Variants in UBOX5 observed in about 807,000 individuals in gnomAD.
UBOX5 encodes RING finger protein 37.
In UBOX5, 28 loss-of-function variants were observed where a neutral mutation model predicts 39.0. That is an observed-to-expected ratio of 0.72 (90% CI 0.53 to 0.98). The LOEUF (loss-of-function observed/expected upper bound fraction) is 0.98, where lower values mean the gene tolerates loss of function less well. UBOX5 is among the 50% of genes least tolerant of loss of function. UBOX5 has a pLI of 0.00. For missense variants in UBOX5, 585 were observed against 674.4 expected (o/e 0.87, Z 1.47); for synonymous variants, 283 against 275.5 (o/e 1.03, Z -0.27).
chr20:3,110,008 G>C lies in UBOX5; in HGVS notation c.*98C>G, dbSNP rs1056384407. ...CCCGGGAGGGAGCAGGCAGCTCTGT[G>C]CCTGGGGCCTGGCCAGACCTCAGGG... On this transcript the variant is annotated 3_prime_UTR_variant, in exon 5 of 5. Transcript: ENST00000217173. 1.9e-5 allele frequency: 27 copies of C among 1,430,358 alleles called. No homozygotes were observed. The highest frequency in any genetic ancestry group is 2.5e-5 in the Non-Finnish European group (26 of 1,036,352). 88.6% of individuals were successfully genotyped at this position (1,430,358 alleles called of 1,614,324 possible).
intron 4 of UBOX5, among the ~76,000 whole-genome samples, chr20:3,113,073 A>G (rs1473761363): frequency 1.3e-5 from 2 of 150,686 alleles, no homozygotes; most frequent in Non-Finnish European, 2.9e-5. Context: ...CAGGAGTTCG[A>G]GACCAGCCTG....
chr20:3,135,721 C>T (rs1374150132), intron 1 of UBOX5, among the ~76,000 whole-genome samples: 2 of 151,632 alleles, frequency 1.3e-5, no homozygotes, highest in Non-Finnish European at 2.9e-5. Flanking sequence ...TGTGAACACA[C>T]AAACACACGC....
chr20:3,116,555 G>A (rs1600363628), intron 3 of UBOX5: 1 of 152,204 alleles, frequency 6.6e-6, no homozygotes, highest in East Asian at 1.9e-4. Flanking sequence ...CACCAAGTCT[G>A]TCAAGGCCAA....
intron 1 of UBOX5, chr20:3,146,425 T>A (rs1434244451): frequency 6.0e-6 from 1 of 167,668 alleles, no homozygotes; most frequent in East Asian, 1.7e-4. Flanking sequence ...ATAAAATTTT[T>A]AAAAATTGGC....
intron 1 of UBOX5, among the ~76,000 whole-genome samples, chr20:3,155,675 T>C (rs1036305458): frequency 6.6e-6 from 1 of 152,260 alleles, no homozygotes; most frequent in African/African-American, 2.4e-5. Flanking sequence ...TATTATGGTA[T>C]TGTTCAAGAT....
chr20:3,121,748 G>A lies in UBOX5; in HGVS notation c.891C>T (p.Ala297=), dbSNP rs2066338451. The A allele has an allele frequency of 1.2e-6, 2 of 1,614,000 alleles. No individual in the cohort carries two copies. The highest frequency in any genetic ancestry group is 1.7e-5 in the Admixed American group (1 of 60,008). The change falls in exon 3 of 5, where the codon GCC becomes GCT. Residue 297 remains alanine (A), a synonymous_variant. Coordinates refer to ENST00000217173, the MANE Select transcript of UBOX5 (RefSeq NM_014948.4). The stretch of plus-strand genomic sequence containing the variant: ...GGTCACTGGGCACTCGGCCCCATGT[G>A]GCTTCACTGCGGTTACACTTCTCCA... ...STLEKCNRSE[A]TWGRVPSDPF... is the part of the protein sequence containing the mutation.
At chr20:3,157,921 G>C (rs1490549267) in intron 1 of UBOX5, among the ~76,000 whole-genome samples, 1 of 151,804 alleles carries the variant, frequency 6.6e-6, no homozygotes, top group African/African-American at 2.4e-5. Context: ...TTTCAGACAG[G>C]GTCTCGCTCT....
At chr20:3,110,384 G>A in intron 4 of UBOX5, 70 bp from the exon 5 acceptor site, 1 of 1,539,616 alleles carries the variant, frequency 6.5e-7, no homozygotes, top group Non-Finnish European at 9.0e-7. Context: ...GCTCTGAGGG[G>A]CAGAGCCTTC....
chr20:3,114,814 G>A (rs2066280839), intron 4 of UBOX5, among the ~76,000 whole-genome samples: 3 of 152,144 alleles, frequency 2.0e-5, no homozygotes, highest in South Asian at 4.1e-4. Flanking sequence ...CGGGCATGGT[G>A]GCGGGCGCCT....
Position 3,156,171 on chromosome 20 carries a change from C to T in UBOX5, c.-42+3595G>A, listed in dbSNP as rs116206743. Among the ~76,000 whole-genome samples, 589 of 146,920 alleles carry T rather than the reference C, an allele frequency of 4.0e-3. 2 individuals carry two copies. The highest frequency in any genetic ancestry group is 0.014 in the African/African-American group (555 of 39,600). ...AGATGCTCAGTCAATTAACTTCTGA[C>T]TCTTTTTTTTTTTTTTTTTTTTGAG... On this transcript the variant is annotated intron_variant, in intron 1 of 4. Coordinates refer to ENST00000217173, the MANE Select transcript of UBOX5 (RefSeq NM_014948.4).
chr20:3,157,728 T>C (rs1361708229), intron 1 of UBOX5, among the ~76,000 whole-genome samples: 1 of 152,118 alleles, frequency 6.6e-6, no homozygotes, highest in Non-Finnish European at 1.5e-5. Context: ...TAAAGAGAAG[T>C]AGCTGCATGC....
intron 1 of UBOX5, among the ~76,000 whole-genome samples, chr20:3,153,586 C>T (rs1187933610): frequency 6.6e-6 from 1 of 152,110 alleles, no homozygotes; most frequent in Admixed American, 6.6e-5. Flanking sequence ...GAATGGATGT[C>T]AGAAAACAGG....
chr20:3,141,876 T>C (rs2066519600), intron 1 of UBOX5, among the ~76,000 whole-genome samples: 1 of 151,848 alleles, frequency 6.6e-6, no homozygotes, highest in African/African-American at 2.4e-5. Context: ...CCAGATGTCG[T>C]AGTGTGCCCA....
chr20:3,114,604 T>C (rs991804556), intron 4 of UBOX5, among the ~76,000 whole-genome samples: 1 of 152,028 alleles, frequency 6.6e-6, no homozygotes, highest in African/African-American at 2.4e-5. Flanking sequence ...TCTCTTCACA[T>C]TTACATAAAG....
At chr20:3,153,254 A>G (rs923140207) in intron 1 of UBOX5, among the ~76,000 whole-genome samples, 4 of 152,258 alleles carry the variant, frequency 2.6e-5, no homozygotes, top group Non-Finnish European at 4.4e-5. Flanking sequence ...TGTTTGGTGC[A>G]GCTCCAGTGT....
chr20:3,153,656 G>A (rs1024448441), intron 1 of UBOX5, among the ~76,000 whole-genome samples: 1 of 152,192 alleles, frequency 6.6e-6, no homozygotes, highest in Non-Finnish European at 1.5e-5. Flanking sequence ...GGATTTCCAG[G>A]TGCCAGGGAG....
At chr20:3,144,995 GAAA>G (rs940426153) in intron 1 of UBOX5, among the ~76,000 whole-genome samples, 1 of 152,132 alleles carries the variant, frequency 6.6e-6, no homozygotes, top group African/African-American at 2.4e-5. Context: ...GGAGCTAAAA[GAAA>G]AATATTAAGT....
At chr20:3,125,772 G>C (rs1600379371) in intron 1 of UBOX5, among the ~76,000 whole-genome samples, 1 of 144,566 alleles carries the variant, frequency 6.9e-6, no homozygotes, top group African/African-American at 2.6e-5. Flanking sequence ...ACCCCGTCTG[G>C]GAGGTGAGGA....
intron 1 of UBOX5, among the ~76,000 whole-genome samples, chr20:3,141,143 T>C (rs2066514536): frequency 6.6e-6 from 1 of 151,716 alleles, no homozygotes; most frequent in Non-Finnish European, 1.5e-5. Context: ...AGTCTTGAAC[T>C]CCTGACCTCA....
Sources: gnomAD v4.1 joint callset for allele counts (sites outside exome capture counted in the v4.1 genomes callset) on GRCh38, gnomAD v4.1.1 for gene constraint, MANE v1.5 for transcripts, NCBI Gene and HGNC (gene_info 2026-07-23, HGNC 2026-07-21) for gene names.